The following UBE2H variants were observed in gnomAD, a reference collection of about 807,000 sequenced individuals.
The protein encoded by UBE2H is ubiquitin-conjugating enzyme E2 H.
A neutral mutation model predicts 29.0 loss-of-function variants in UBE2H; 3 were observed. The ratio of observed to expected loss-of-function variants is 0.10; its 90% CI spans 0.05 to 0.27. The LOEUF (loss-of-function observed/expected upper bound fraction) is 0.27. Among genes scored for constraint, UBE2H ranks in the 10% least tolerant of loss-of-function variants. The pLI is 1.00. For synonymous variants in UBE2H, 69 were observed against 82.9 expected (o/e 0.83, Z 0.91); for missense variants, 68 against 228.2 (o/e 0.30, Z 4.52).
At position 129,933,414 on chromosome 7, in the gene UBE2H, A is replaced by C. The variant is rs138908274; in HGVS notation, c.53+19089T>G. 9.2e-5 allele frequency among the ~76,000 whole-genome samples: 14 copies of C among 152,362 alleles called. No homozygotes were observed. In the East Asian group the frequency reaches 2.7e-3, roughly 29 times the overall value. On this transcript the variant is annotated intron_variant, in intron 1 of 6. Transcript: ENST00000355621. ...AAAGCTCCATAATTTGGATGAGTTT[A>C]AGGTATTCTATTTTACAAATGAAGT...
rs115203912 is a variant in UBE2H, at chr7:129,892,606, G to C, written c.54-11635C>G. On this transcript the variant is annotated intron_variant, in intron 1 of 6. Coordinates refer to ENST00000355621, the MANE Select transcript of UBE2H (RefSeq NM_003344.4). ...CATTATGAATAATAGTTGCTATACT[G>C]TACTACAAAATACAAGGATACCCTT... 2.0e-4 allele frequency among the ~76,000 whole-genome samples: 31 copies of C among 152,238 alleles called. No individual in the cohort carries two copies. The South Asian group carries it at 2.5e-3, about 12-fold the overall frequency.
At chr7:129,868,266 A>G (rs1245752976) in intron 3 of UBE2H, among the ~76,000 whole-genome samples, 2 of 152,226 alleles carry the variant, frequency 1.3e-5, no homozygotes, top group African/African-American at 2.4e-5. Context: ...TATAATAATG[A>G]GCTGTCAAAG....
At chr7:129,876,759 A>G (rs1031674680) in intron 3 of UBE2H, among the ~76,000 whole-genome samples, 4 of 152,342 alleles carry the variant, frequency 2.6e-5, no homozygotes, top group Middle Eastern at 3.4e-3. Flanking sequence ...TGGCATCATA[A>G]GAATAAGTTC....
At chr7:129,942,212 C>CAAA (rs966117564) in intron 1 of UBE2H, among the ~76,000 whole-genome samples, 28 of 36,574 alleles carry the variant, frequency 7.7e-4, no homozygotes, top group East Asian at 3.2e-3. Context: ...GACTCGGTCT[C>CAAA]AAAAAAAAAA....
chr7:129,940,040 C>G (rs185158391), intron 1 of UBE2H, among the ~76,000 whole-genome samples: 6 of 152,148 alleles, frequency 3.9e-5, no homozygotes, highest in South Asian at 2.1e-4. Context: ...GACAAAACAA[C>G]TAAATTTACT....
intron 1 of UBE2H, among the ~76,000 whole-genome samples, chr7:129,892,347 G>GT (rs1806513221): frequency 6.6e-6 from 1 of 151,980 alleles, no homozygotes; most frequent in Admixed American, 6.6e-5. Context: ...CACCTCCTGG[G>GT]TTCAAGCGAT....
chr7:129,949,657 G>A (rs1008298850), intron 1 of UBE2H, among the ~76,000 whole-genome samples: 2 of 152,138 alleles, frequency 1.3e-5, no homozygotes, highest in South Asian at 2.1e-4. Context: ...AAATATCACT[G>A]ACTCCAAACA....
At chr7:129,861,446 A>G (rs546232356) in intron 3 of UBE2H, among the ~76,000 whole-genome samples, 3 of 152,314 alleles carry the variant, frequency 2.0e-5, no homozygotes, top group Admixed American at 6.5e-5. Flanking sequence ...CTAGGATCAC[A>G]GCAATGGGAA....
intron 5 of UBE2H, among the ~76,000 whole-genome samples, chr7:129,842,655 C>T (rs979727332): frequency 1.3e-5 from 2 of 152,066 alleles, no homozygotes; most frequent in Non-Finnish European, 2.9e-5. Context: ...GTAATCCCAA[C>T]ACTTTGGGAG....
intron 1 of UBE2H, among the ~76,000 whole-genome samples, chr7:129,885,769 G>C (rs375257384): frequency 6.0e-4 from 91 of 152,240 alleles, no homozygotes; most frequent in Middle Eastern, 3.4e-3. Flanking sequence ...GAATGGACAG[G>C]CACTAAATGA....
chr7:129,868,136 T>C (rs1172214652), intron 3 of UBE2H, among the ~76,000 whole-genome samples: 3 of 152,162 alleles, frequency 2.0e-5, no homozygotes. Context: ...AAGAAATAGA[T>C]TTAATGCCAA....
At chr7:129,934,635 C>CTT (rs201957627) in intron 1 of UBE2H, among the ~76,000 whole-genome samples, 3 of 100,856 alleles carry the variant, frequency 3.0e-5, no homozygotes, top group Non-Finnish European at 5.5e-5. Context: ...AAGACTCCGT[C>CTT]TTTAAAAAAA....
At chr7:129,902,313 A>G (rs577100018) in intron 1 of UBE2H, among the ~76,000 whole-genome samples, 163 of 152,320 alleles carry the variant, frequency 1.1e-3, no homozygotes, top group African/African-American at 3.5e-3. Flanking sequence ...AGCCTGGCCA[A>G]TATGGCAAAA....
chr7:129,839,652 T>C (rs1805391197), intron 5 of UBE2H: 1 of 292,072 alleles, frequency 3.4e-6, no homozygotes, highest in South Asian at 3.1e-5. Flanking sequence ...CCCCCCACTC[T>C]GAAAGGTATT....
intron 1 of UBE2H, among the ~76,000 whole-genome samples, chr7:129,944,715 AACACACACACACACACAC>A (rs57825154): frequency 9.2e-4 from 133 of 144,056 alleles, no homozygotes; most frequent in African/African-American, 2.3e-3. Flanking sequence ...ATGCGCTCAA[AACACACACACACACACAC>A]ACACACACAC....
chr7:129,946,214 G>A (rs892441881), intron 1 of UBE2H, among the ~76,000 whole-genome samples: 2 of 149,006 alleles, frequency 1.3e-5, no homozygotes, highest in Non-Finnish European at 3.0e-5. Context: ...CACCACGCCC[G>A]GCTAATTTTT....
At chr7:129,898,911 C>T (rs1159402104) in intron 1 of UBE2H, among the ~76,000 whole-genome samples, 2 of 151,556 alleles carry the variant, frequency 1.3e-5, no homozygotes, top group African/African-American at 4.8e-5. Context: ...ACTACCATTG[C>T]TTATGCACTT....
At chr7:129,858,173 G>A (rs965405881) in intron 4 of UBE2H, among the ~76,000 whole-genome samples, 1 of 152,072 alleles carries the variant, frequency 6.6e-6, no homozygotes, top group East Asian at 1.9e-4. Flanking sequence ...TTGCATTAAC[G>A]TTAAATTCCT....
At chr7:129,852,720 C>CT (rs1045736022) in intron 5 of UBE2H, among the ~76,000 whole-genome samples, 82 of 148,926 alleles carry the variant, frequency 5.5e-4, no homozygotes, top group African/African-American at 1.8e-3. Flanking sequence ...TTCTCCACAA[C>CT]TTTTTTTTTT....
Sources: allele counts gnomAD v4.1 joint callset (sites outside exome capture counted in the v4.1 genomes callset), GRCh38; gene constraint gnomAD v4.1.1; transcripts MANE v1.5; gene names NCBI Gene and HGNC (gene_info 2026-07-23, HGNC 2026-07-21).